Variants in NEK4 observed in about 807,000 individuals in gnomAD.
NEK4 encodes NIMA related kinase 4, also known as serine/threonine-protein kinase Nek4.
In NEK4, 86 loss-of-function variants were observed where a neutral mutation model predicts 98.4. That is an observed-to-expected ratio of 0.87 (90% CI 0.73 to 1.05). The LOEUF (loss-of-function observed/expected upper bound fraction) is 1.05. Ranked by LOEUF, NEK4 falls within the 50% of genes least tolerant of loss-of-function variation. The pLI is 0.00. For missense variants in NEK4, 898 were observed against 950.3 expected, an observed-to-expected ratio of 0.94 and a Z score of 0.72; for synonymous variants, 328 against 342.2, an observed-to-expected ratio of 0.96 and a Z score of 0.46.
intron 1 of NEK4, among the ~76,000 whole-genome samples, chr3:52,769,499 G>A (rs944888958): frequency 6.6e-6 from 1 of 152,164 alleles, no homozygotes; most frequent in African/African-American, 2.4e-5. Flanking sequence ...ATAGATAAAT[G>A]TGTTTTGTGA....
At chr3:52,729,869 G>A (rs1017884704) in intron 15 of NEK4, among the ~76,000 whole-genome samples, 1 of 151,942 alleles carries the variant, frequency 6.6e-6, no homozygotes, top group African/African-American at 2.4e-5. Context: ...CCAACACTTT[G>A]GGAAGCCGAG....
At chr3:52,766,894 G>A (rs1698583587) in intron 2 of NEK4, among the ~76,000 whole-genome samples, 1 of 152,174 alleles carries the variant, frequency 6.6e-6, no homozygotes, top group African/African-American at 2.4e-5. Flanking sequence ...GCTGAGGCAG[G>A]AGAATGGCGT....
In NEK4 at chr3:52,752,356, G is replaced by A; in HGVS notation, c.964-20C>T. 1 of 1,601,072 alleles carries A rather than the reference G, an allele frequency of 6.2e-7. No homozygotes were observed. Among genetic ancestry groups the A allele is most frequent in the Non-Finnish European group, 8.5e-7 (1 of 1,173,540 alleles). On this transcript the variant is annotated intron_variant, in intron 6 of 15. Transcript: ENST00000233027. ...TTCACCCTGAATGAAAAGATGTTTG[G>A]AAATTATTATAGCACTCCTCATATC...
At chr3:52,761,534 C>A (rs1177091680) in intron 5 of NEK4, among the ~76,000 whole-genome samples, 2 of 152,124 alleles carry the variant, frequency 1.3e-5, no homozygotes, top group South Asian at 4.1e-4. Context: ...GATCTGCCAG[C>A]CTCGGCCTCC....
Position 52,712,888 on chromosome 3 carries a change from C to T in NEK4, c.2434-1019G>A, listed in dbSNP as rs1393421320. Among the ~76,000 whole-genome samples, 3 of 152,136 alleles carry T rather than the reference C, an allele frequency of 2.0e-5. No homozygotes were observed. The South Asian group carries it at 6.2e-4, about 32-fold the overall frequency. On this transcript the variant is annotated intron_variant, in intron 15 of 15. Transcript: ENST00000233027. The stretch of plus-strand genomic sequence containing the variant: ...CAACATCCAACCTCTTATCTGTGTT[C>T]CTGCGAGGGTCTCCGGGGTTTTTAT...
chr3:52,746,258 C>G, intron 9 of NEK4, 48 bp from the exon 10 acceptor site: 1 of 1,539,822 alleles, frequency 6.5e-7, no homozygotes, highest in Non-Finnish European at 8.9e-7. Flanking sequence ...ATAGCCCCTT[C>G]CAATGTTCCC....
In NEK4 at chr3:52,766,160, T is replaced by C. The variant is rs2154107003; in HGVS notation, c.558+18A>G. 2 of 1,609,090 alleles carry C rather than the reference T, an allele frequency of 1.2e-6. No homozygotes were observed. Among genetic ancestry groups the C allele is most frequent in the Non-Finnish European group, 1.7e-6 (2 of 1,175,778 alleles). ...CTCCCAGAGACAAGGTAAGCCAGCA[T>C]ACAGAGCCCAATCCTACCTTATAGT... On this transcript the variant is annotated intron_variant, in intron 3 of 15. Coordinates refer to ENST00000233027, the MANE Select transcript of NEK4 (RefSeq NM_003157.6).
intron 15 of NEK4, among the ~76,000 whole-genome samples, chr3:52,737,148 T>C (rs1395470480): frequency 1.3e-5 from 2 of 152,082 alleles, no homozygotes; most frequent in Non-Finnish European, 2.9e-5. Flanking sequence ...CTCACCACGT[T>C]GGCCAGGCTG....
At chr3:52,712,590 C>T (rs1030738301) in intron 15 of NEK4, among the ~76,000 whole-genome samples, 1 of 152,196 alleles carries the variant, frequency 6.6e-6, no homozygotes, top group Non-Finnish European at 1.5e-5. Flanking sequence ...TCAGATCACA[C>T]GTGGGCTTGG....
chr3:52,724,677 T>A (rs1385054877), intron 15 of NEK4, among the ~76,000 whole-genome samples: 1 of 152,074 alleles, frequency 6.6e-6, no homozygotes, highest in Non-Finnish European at 1.5e-5. Flanking sequence ...GTGGGGAGAA[T>A]GGGCAGGTGT....
intron 6 of NEK4, chr3:52,753,682 G>C (rs137871159): frequency 1.7e-6 from 1 of 582,194 alleles, no homozygotes; most frequent in South Asian, 1.4e-5. Context: ...CTAAGCCTAC[G>C]GAGCCTGTCC....
intron 7 of NEK4, among the ~76,000 whole-genome samples, chr3:52,751,095 G>A (rs1445528620): frequency 6.6e-6 from 1 of 152,124 alleles, no homozygotes; most frequent in Non-Finnish European, 1.5e-5. Context: ...CTGATCACCT[G>A]AGGTCGGGAG....
At chr3:52,740,540 G>A (rs527950794) in intron 13 of NEK4, among the ~76,000 whole-genome samples, 118 of 152,322 alleles carry the variant, frequency 7.7e-4, no homozygotes, top group African/African-American at 2.6e-3. Flanking sequence ...GCTCATGCCT[G>A]TAATACCAGC....
At chr3:52,738,518 A>G (rs2097380215) in intron 14 of NEK4, among the ~76,000 whole-genome samples, 1 of 150,440 alleles carries the variant, frequency 6.6e-6, no homozygotes, top group African/African-American at 2.4e-5. Context: ...TGGCATGCTC[A>G]TGGCTCACTG....
chr3:52,767,780 G>C (rs973431889), intron 2 of NEK4, among the ~76,000 whole-genome samples: 1 of 151,838 alleles, frequency 6.6e-6, no homozygotes, highest in African/African-American at 2.4e-5. Flanking sequence ...ATTAATTCTG[G>C]ACAAGTCTAC....
At chr3:52,717,315 G>C (rs547931017) in intron 15 of NEK4, among the ~76,000 whole-genome samples, 77 of 151,584 alleles carry the variant, frequency 5.1e-4, no homozygotes, top group Admixed American at 1.4e-3. Context: ...GCTGAGGTAG[G>C]AGAATCACTT....
intron 15 of NEK4, among the ~76,000 whole-genome samples, chr3:52,735,744 T>C (rs1442869806): frequency 6.6e-6 from 1 of 152,202 alleles, no homozygotes; most frequent in Non-Finnish European, 1.5e-5. Flanking sequence ...TTGCCAAAAA[T>C]AGCAATCAAT....
intron 15 of NEK4, chr3:52,733,242 CA>C: frequency 3.8e-6 from 1 of 259,794 alleles, no homozygotes; most frequent in Admixed American, 4.5e-5. Context: ...CCACACCTTG[CA>C]GATCACTGGA....
intron 15 of NEK4, among the ~76,000 whole-genome samples, chr3:52,715,857 A>T (rs2097354667): frequency 6.6e-6 from 1 of 152,242 alleles, no homozygotes; most frequent in South Asian, 2.1e-4. Context: ...ACCACGTTGC[A>T]TGTGAAGAGG....
Sources: allele counts gnomAD v4.1 joint callset (sites outside exome capture counted in the v4.1 genomes callset), GRCh38; gene constraint gnomAD v4.1.1; transcripts MANE v1.5; gene names NCBI Gene and HGNC (gene_info 2026-07-23, HGNC 2026-07-21).